SHISA9: variants seen among roughly 807,000 people sequenced by gnomAD.
SHISA9 encodes the protein protein shisa-9.
SHISA9 carries 13 observed loss-of-function variants against 38.0 expected under a neutral mutation model. The observed-to-expected ratio is 0.34, with a 90% CI of 0.22 to 0.54. The LOEUF (loss-of-function observed/expected upper bound fraction) is 0.54. Among genes scored for constraint, SHISA9 ranks in the 20% least tolerant of loss-of-function variants. The pLI, the probability that SHISA9 is intolerant of heterozygous loss-of-function variation, is 0.91. For synonymous variants in SHISA9, 275 were observed against 242.0 expected (o/e 1.14, Z -1.27); for missense variants, 538 against 575.8 (o/e 0.93, Z 0.67).
the SHISA9 span, among the ~76,000 whole-genome samples, chr16:13,537,609 G>C: frequency 0.13 from 19,979 of 152,142 alleles, 1,448 homozygotes; most frequent in Middle Eastern, 0.19. Flanking sequence ...CAGGCAGTGA[G>C]GATGAAGATG....
intron 2 of SHISA9, among the ~76,000 whole-genome samples, chr16:13,006,399 C>T (rs1005452988): frequency 6.6e-6 from 1 of 152,178 alleles, no homozygotes; most frequent in Non-Finnish European, 1.5e-5. Flanking sequence ...ATCAGCCAAC[C>T]TGTGACAGTA....
At chr16:13,315,797 C>A in the SHISA9 span, among the ~76,000 whole-genome samples, 3,363 of 152,178 alleles carry the variant, frequency 0.022, 50 homozygotes, top group Middle Eastern at 0.041. Flanking sequence ...GGATAGCTCT[C>A]CTATGGAGGA....
chr16:13,559,448 G>A, the SHISA9 span, among the ~76,000 whole-genome samples: 1 of 150,982 alleles, frequency 6.6e-6, no homozygotes. Flanking sequence ...CACAATCATA[G>A]CTCATTGCAG....
chr16:13,211,459 A>T (rs928943639), intron 3 of SHISA9, among the ~76,000 whole-genome samples: 3 of 152,240 alleles, frequency 2.0e-5, no homozygotes, highest in Non-Finnish European at 4.4e-5. Context: ...GTTTAAAAAA[A>T]AAGCATACAC....
chr16:13,158,109 G>A (rs2050563288), intron 2 of SHISA9, among the ~76,000 whole-genome samples: 1 of 152,196 alleles, frequency 6.6e-6, no homozygotes, highest in South Asian at 2.1e-4. Context: ...CTTTCAGGCA[G>A]AACAGTTCCC....
At chr16:13,375,646 T>G in the SHISA9 span, among the ~76,000 whole-genome samples, 1 of 151,914 alleles carries the variant, frequency 6.6e-6, no homozygotes, top group African/African-American at 2.4e-5. Flanking sequence ...AAAAGAAAAC[T>G]AAGAAAACAA....
the SHISA9 span, among the ~76,000 whole-genome samples, chr16:13,466,341 A>G: frequency 2.6e-5 from 4 of 152,238 alleles, no homozygotes; most frequent in Non-Finnish European, 5.9e-5. Flanking sequence ...AATGGCAGTA[A>G]GGAAGAGTGT....
chr16:13,411,832 G>C, the SHISA9 span, among the ~76,000 whole-genome samples: 1 of 152,160 alleles, frequency 6.6e-6, no homozygotes, highest in African/African-American at 2.4e-5. Flanking sequence ...CCAGAGCCCA[G>C]ATAAAACTCA....
intron 2 of SHISA9, among the ~76,000 whole-genome samples, chr16:12,955,711 A>T (rs2071823569): frequency 6.6e-6 from 1 of 152,130 alleles, no homozygotes; most frequent in Non-Finnish European, 1.5e-5. Flanking sequence ...CATATGCAGA[A>T]AAATAAAACT....
intron 2 of SHISA9, among the ~76,000 whole-genome samples, chr16:13,039,542 G>A (rs1279570264): frequency 1.4e-5 from 2 of 146,144 alleles, no homozygotes; most frequent in Non-Finnish European, 3.0e-5. Context: ...TAAGGAGGAT[G>A]ACATATTGAG....
At chr16:13,491,729 A>G in the SHISA9 span, among the ~76,000 whole-genome samples, 90 of 146,940 alleles carry the variant, frequency 6.1e-4, no homozygotes, top group African/African-American at 2.1e-3. Flanking sequence ...ATCTCAAGAG[A>G]TCCACCCGCC....
the SHISA9 span, among the ~76,000 whole-genome samples, chr16:13,327,199 G>A: frequency 1.3e-5 from 2 of 152,086 alleles, no homozygotes; most frequent in African/African-American, 2.4e-5. Flanking sequence ...CTCCCTGCCC[G>A]CTGCACTAGA....
At chr16:13,470,117 A>T in the SHISA9 span, among the ~76,000 whole-genome samples, 1 of 152,134 alleles carries the variant, frequency 6.6e-6, no homozygotes, top group African/African-American at 2.4e-5. Flanking sequence ...AGTTTTTAAT[A>T]TTTTTATTTA....
chr16:13,187,072 C>A lies in SHISA9; in HGVS notation c.692-16322C>A, dbSNP rs567024113. 2.6e-4 allele frequency among the ~76,000 whole-genome samples: 40 copies of A among 152,280 alleles called. No individual in the cohort carries two copies. In the South Asian group the frequency reaches 8.1e-3, roughly 31 times the overall value. ...CCACTTCGAGATACTGCTTTCAGTT[C>A]TTTGGTTGACCTCTGTTTCACATGC... On this transcript the variant is annotated intron_variant, in intron 2 of 4. Transcript: ENST00000558583.
intron 2 of SHISA9, among the ~76,000 whole-genome samples, chr16:13,053,208 C>T (rs190051368): frequency 4.5e-4 from 68 of 151,730 alleles, no homozygotes; most frequent in Non-Finnish European, 6.9e-4. Context: ...GGTGATCCGC[C>T]CACCTCGGCC....
the SHISA9 span, among the ~76,000 whole-genome samples, chr16:13,390,434 T>C: frequency 5.3e-5 from 8 of 152,188 alleles, no homozygotes; most frequent in Non-Finnish European, 7.4e-5. Flanking sequence ...TGCATCTGGG[T>C]GGCTGGCTGT....
At chr16:13,113,651 T>A (rs1161365204) in intron 2 of SHISA9, among the ~76,000 whole-genome samples, 1 of 152,172 alleles carries the variant, frequency 6.6e-6, no homozygotes, top group Non-Finnish European at 1.5e-5. Flanking sequence ...AGAGTTAATG[T>A]GCTTAATATT....
At chr16:13,276,397 C>T in the SHISA9 span, among the ~76,000 whole-genome samples, 9 of 152,036 alleles carry the variant, frequency 5.9e-5, no homozygotes, top group South Asian at 4.2e-4. Context: ...GTATCTTTTT[C>T]GTATAATGAC....
chr16:12,931,595 A>G (rs1287378906), intron 2 of SHISA9, among the ~76,000 whole-genome samples: 1 of 152,194 alleles, frequency 6.6e-6, no homozygotes, highest in Non-Finnish European at 1.5e-5. Context: ...AGCTGCATCC[A>G]TGTTGCCACA....
Sources: gnomAD v4.1 joint callset for allele counts (sites outside exome capture counted in the v4.1 genomes callset) on GRCh38, gnomAD v4.1.1 for gene constraint, MANE v1.5 for transcripts, NCBI Gene and HGNC (gene_info 2026-07-23, HGNC 2026-07-21) for gene names.